Variants in CTTNBP2 observed in about 807,000 individuals in gnomAD.
CTTNBP2 encodes the protein cortactin-binding protein 2.
CTTNBP2 carries 108 observed loss-of-function variants against 156.9 expected under a neutral mutation model. The observed-to-expected ratio is 0.69, with a 90% CI of 0.59 to 0.81. The LOEUF (loss-of-function observed/expected upper bound fraction) is 0.81, where lower values mean the gene tolerates loss of function less well. CTTNBP2 is among the 30% of genes least tolerant of loss of function. The pLI, the probability that CTTNBP2 is intolerant of heterozygous loss-of-function variation, is 0.00. For synonymous variants in CTTNBP2, 767 were observed against 751.8 expected, an observed-to-expected ratio of 1.02 and a Z score of -0.33; for missense variants, 1,924 against 2,035.4, an observed-to-expected ratio of 0.95 and a Z score of 1.05.
intron 16 of CTTNBP2, among the ~76,000 whole-genome samples, chr7:117,728,708 A>G (rs1795240607): frequency 6.6e-6 from 1 of 152,238 alleles, no homozygotes; most frequent in Admixed American, 6.5e-5. Flanking sequence ...GCTGACTAAC[A>G]TATCCATCCC....
At chr7:117,753,962 C>A (rs1796755322) in intron 12 of CTTNBP2, among the ~76,000 whole-genome samples, 1 of 152,202 alleles carries the variant, frequency 6.6e-6, no homozygotes, top group South Asian at 2.1e-4. Flanking sequence ...ATCTACTGTA[C>A]AGATTTCCAA....
chr7:117,810,709 A>T, intron 3 of CTTNBP2, 56 bp downstream of exon 3: 1 of 1,381,936 alleles, frequency 7.2e-7, no homozygotes. Flanking sequence ...TTTGGAGGTG[A>T]TCTCCTCATT....
Position 117,784,305 on chromosome 7 carries a change from A to T in CTTNBP2, c.2218T>A (p.Ser740Thr). ...LNEEGLDINY[S>T]CEDGHSALYS... The stretch of plus-strand genomic sequence containing the variant: ...AAGGCAGAATGGCCATCTTCACAGG[A>T]GTAATTAATGTCCAGTCCTTCTTCA... Residue 740 changes from serine (S) to threonine (T), a missense_variant, in exon 5 of 23, where the codon TCC becomes ACC. Coordinates refer to ENST00000160373, the MANE Select transcript of CTTNBP2 (RefSeq NM_033427.3). 1 of 1,613,988 alleles carries T rather than the reference A, an allele frequency of 6.2e-7. No individual in the cohort carries two copies. Among genetic ancestry groups the T allele is most frequent in the Non-Finnish European group, 8.5e-7 (1 of 1,179,950 alleles).
At chr7:117,803,964 T>TATGA (rs919427254) in intron 3 of CTTNBP2, among the ~76,000 whole-genome samples, 30 of 152,200 alleles carry the variant, frequency 2.0e-4, no homozygotes, top group East Asian at 5.8e-4. Context: ...TTTATTTATT[T>TATGA]ATGAATGAAT....
At chr7:117,783,860 AT>A (rs1478699579) in intron 5 of CTTNBP2, among the ~76,000 whole-genome samples, 1 of 152,214 alleles carries the variant, frequency 6.6e-6, no homozygotes, top group Non-Finnish European at 1.5e-5. Context: ...ATAACTATAA[AT>A]TGTTCCAACT....
intron 2 of CTTNBP2, among the ~76,000 whole-genome samples, chr7:117,825,990 T>C (rs1036486559): frequency 6.6e-6 from 1 of 152,206 alleles, no homozygotes; most frequent in Admixed American, 6.5e-5. Context: ...CAGCTGCAGT[T>C]TATCAGGTAT....
chr7:117,712,004 A>T (rs1222848038), intron 22 of CTTNBP2, among the ~76,000 whole-genome samples: 1 of 152,184 alleles, frequency 6.6e-6, no homozygotes, highest in Non-Finnish European at 1.5e-5. Context: ...ATTCCTAAAT[A>T]CAGGAGTCAG....
At chr7:117,869,894 C>G (rs1804463582) in intron 1 of CTTNBP2, among the ~76,000 whole-genome samples, 1 of 152,150 alleles carries the variant, frequency 6.6e-6, no homozygotes. Flanking sequence ...AGCTATTTTT[C>G]TGAACCATAT....
intron 14 of CTTNBP2, among the ~76,000 whole-genome samples, 162 bp from the exon 15 acceptor site, chr7:117,735,583 G>T (rs569362832): frequency 6.6e-6 from 1 of 152,086 alleles, no homozygotes; most frequent in Non-Finnish European, 1.5e-5. Flanking sequence ...AAAACTGTTC[G>T]GTATTATTTG....
chr7:117,864,104 G>C (rs189767723), intron 1 of CTTNBP2, among the ~76,000 whole-genome samples: 5 of 152,256 alleles, frequency 3.3e-5, no homozygotes, highest in Admixed American at 2.6e-4. Flanking sequence ...AGAGTCAGGA[G>C]AGCCTGCCCT....
rs768793474 is a variant in CTTNBP2, at chr7:117,873,309, C to T, written c.81+26G>A. 2.4e-5 allele frequency: 34 copies of T among 1,419,314 alleles called. No individual in the cohort carries two copies. In the East Asian group the frequency reaches 4.3e-4, roughly 18 times the overall value. The allele number at this position is 1,419,314 out of a possible 1,614,324, so 87.9% of individuals were successfully genotyped here. A position where few individuals can be genotyped will look rare whatever the true frequency, so the allele number is the denominator to read the frequency against. ...CCCCGGCCCGCGTCTACACTAGCCC[C>T]GCGCCCGCCCCGGGAACTCGGTTAC... On this transcript the variant is annotated intron_variant, in intron 1 of 22. Transcript: ENST00000160373.
At chr7:117,766,275 C>A (rs1362602284) in intron 9 of CTTNBP2, among the ~76,000 whole-genome samples, 1 of 151,976 alleles carries the variant, frequency 6.6e-6, no homozygotes, top group Non-Finnish European at 1.5e-5. Flanking sequence ...CTTCTGTCAA[C>A]CAAAAAAACC....
Position 117,746,116 on chromosome 7 carries a change from T to A in CTTNBP2, c.3349-17A>T. On this transcript the variant is annotated splice_polypyrimidine_tract_variant and intron_variant, in intron 12 of 22. Coordinates refer to ENST00000160373, the MANE Select transcript of CTTNBP2 (RefSeq NM_033427.3). ...TTGCTCAACCTATTAACAAACCAAG[T>A]AGAGAGCTAGGGTGAAGATGCTAAA... 6.3e-7 allele frequency: 1 copy of A among 1,581,948 alleles called. No homozygotes were observed.
rs146332752 is a variant in CTTNBP2, at chr7:117,864,669, T to G, written c.82-3353A>C. The stretch of plus-strand genomic sequence containing the variant: ...ATATATCTAGATGTATGAATATATA[T>G]TCATATATTTATATATATTCATATA... On this transcript the variant is annotated intron_variant, in intron 1 of 22. Coordinates refer to ENST00000160373, the MANE Select transcript of CTTNBP2 (RefSeq NM_033427.3). Among the ~76,000 whole-genome samples the G allele has an allele frequency of 3.4e-3, 500 of 146,438 alleles. 3 individuals are homozygous for G. The highest frequency in any genetic ancestry group is 0.012 in the African/African-American group (480 of 40,302).
At chr7:117,852,874 G>C (rs918074124) in intron 2 of CTTNBP2, among the ~76,000 whole-genome samples, 1 of 152,116 alleles carries the variant, frequency 6.6e-6, no homozygotes, top group African/African-American at 2.4e-5. Flanking sequence ...CTAGGAAAAT[G>C]CTTAGTTTCA....
chr7:117,816,122 C>T (rs181517433), intron 2 of CTTNBP2, among the ~76,000 whole-genome samples: 2 of 152,272 alleles, frequency 1.3e-5, no homozygotes, highest in East Asian at 3.9e-4. Flanking sequence ...GGAAGTTAGG[C>T]CAATGTCAGA....
intron 2 of CTTNBP2, among the ~76,000 whole-genome samples, chr7:117,851,784 A>T (rs543967963): frequency 1.3e-5 from 2 of 152,206 alleles, no homozygotes; most frequent in Non-Finnish European, 2.9e-5. Flanking sequence ...CCAAGCAGAC[A>T]TGATGGAAGG....
intron 3 of CTTNBP2, among the ~76,000 whole-genome samples, chr7:117,806,110 T>A (rs34004577): frequency 0.012 from 1,766 of 152,294 alleles, 40 homozygotes; most frequent in African/African-American, 0.041. Flanking sequence ...AAACTTTGCA[T>A]GGAGCAGTAA....
chr7:117,822,368 G>C (rs894657502), intron 2 of CTTNBP2, among the ~76,000 whole-genome samples: 1 of 151,536 alleles, frequency 6.6e-6, no homozygotes, highest in South Asian at 2.1e-4. Context: ...TGTCTATTTT[G>C]CATTTCATTG....
Sources: gnomAD v4.1 joint callset for allele counts (sites outside exome capture counted in the v4.1 genomes callset) on GRCh38, gnomAD v4.1.1 for gene constraint, MANE v1.5 for transcripts, NCBI Gene and HGNC (gene_info 2026-07-23, HGNC 2026-07-21) for gene names.